The following AGTR1 variants were observed in gnomAD, a reference collection of about 807,000 sequenced individuals.
AGTR1 encodes the protein angiotensin II receptor type 1.
AGTR1 carries 16 observed loss-of-function variants against 19.4 expected under a neutral mutation model. The observed-to-expected ratio is 0.82, with a 90% CI of 0.56 to 1.25. AGTR1 has a LOEUF of 1.25. AGTR1 is among the 50% of genes most tolerant of loss of function. The pLI is 0.00. For missense variants in AGTR1, 373 were observed against 431.9 expected, an observed-to-expected ratio of 0.86 and a Z score of 1.21; for synonymous variants, 153 against 154.9, an observed-to-expected ratio of 0.99 and a Z score of 0.09.
chr3:148,729,330 GC>G (rs1714124244), intron 2 of AGTR1, among the ~76,000 whole-genome samples: 1 of 152,154 alleles, frequency 6.6e-6, no homozygotes, highest in African/African-American at 2.4e-5. Flanking sequence ...TCCCTACATA[GC>G]CTTCTATGCA....
chr3:148,735,476 A>G (rs1434654491), intron 2 of AGTR1, among the ~76,000 whole-genome samples: 1 of 152,172 alleles, frequency 6.6e-6, no homozygotes, highest in African/African-American at 2.4e-5. Context: ...GAAGTCCATT[A>G]TCAAGAAACA....
In AGTR1 at chr3:148,741,502, C is replaced by T. The variant is rs1434779519; in HGVS notation, c.467C>T (p.Ala156Val). ...ACCTGCATCATCATTTGGCTGCTGG[C>T]AGGCTTGGCCAGTTTGCCAGCTATA... is the stretch of plus-strand genomic sequence containing the variant. ...KVTCIIIWLL[A>V]GLASLPAIIH... The change falls in exon 3 of 3, where the codon GCA becomes GTA. Residue 156 changes from alanine (A) to valine (V), a missense_variant. Physicochemically the swap from Ala to Val is moderately conservative, Grantham distance 64. Coordinates refer to ENST00000349243, the MANE Select transcript of AGTR1 (RefSeq NM_000685.5). 6.2e-7 allele frequency: 1 copy of T among 1,613,916 alleles called. No homozygotes were observed. Among genetic ancestry groups the T allele is most frequent in the East Asian group, 2.2e-5 (1 of 44,882 alleles).
chr3:148,724,211 A>C (rs573705405), intron 2 of AGTR1, among the ~76,000 whole-genome samples: 1 of 152,270 alleles, frequency 6.6e-6, no homozygotes, highest in African/African-American at 2.4e-5. Flanking sequence ...GCCCCCCTCC[A>C]AGAAAGGGGG....
chr3:148,726,787 T>C (rs760915810), intron 2 of AGTR1, among the ~76,000 whole-genome samples: 2 of 152,188 alleles, frequency 1.3e-5, no homozygotes, highest in Non-Finnish European at 2.9e-5. Context: ...CCGAGTTGCA[T>C]ATCACAACTT....
intron 2 of AGTR1, among the ~76,000 whole-genome samples, chr3:148,730,830 C>A (rs182663070): frequency 2.0e-5 from 3 of 152,200 alleles, no homozygotes; most frequent in Non-Finnish European, 4.4e-5. Context: ...GTTTCAGGGA[C>A]CACACTTTCA....
intron 2 of AGTR1, chr3:148,739,776 A>G (rs1451815746): frequency 7.3e-6 from 9 of 1,231,262 alleles, no homozygotes; most frequent in Non-Finnish European, 9.1e-6. Flanking sequence ...GTGGTGTCTT[A>G]TTTCTGCTCC....
chr3:148,739,078 G>C (rs1380110447), intron 2 of AGTR1, among the ~76,000 whole-genome samples: 1 of 152,190 alleles, frequency 6.6e-6, no homozygotes, highest in African/African-American at 2.4e-5. Flanking sequence ...AAGTTTCAAG[G>C]CCGGGTGCGG....
chr3:148,733,301 A>T (rs186557274), intron 2 of AGTR1, among the ~76,000 whole-genome samples: 1 of 152,220 alleles, frequency 6.6e-6, no homozygotes, highest in African/African-American at 2.4e-5. Context: ...TGTGGCTTGT[A>T]TAATGTTAAA....
rs17237484 is a variant in AGTR1, at chr3:148,735,483, AAC to A, written c.-47-5504_-47-5503del. Among the ~76,000 whole-genome samples, 407 of 152,274 alleles carry A rather than the reference AAC, an allele frequency of 2.7e-3. 2 individuals carry two copies. Among genetic ancestry groups the A allele is most frequent in the African/African-American group, 9.4e-3 (391 of 41,542 alleles). ...CCTAAGCAGAAGTCCATTATCAAGA[AAC>A]AGTGTCCACAAGTGCAATAAATATA... is the stretch of plus-strand genomic sequence containing the variant. On this transcript the variant is annotated intron_variant, in intron 2 of 2. Transcript: ENST00000349243.
At chr3:148,707,686 T>C (rs909712429) in intron 1 of AGTR1, among the ~76,000 whole-genome samples, 4 of 152,110 alleles carry the variant, frequency 2.6e-5, no homozygotes, top group Admixed American at 2.6e-4. Context: ...AAACGTTCTT[T>C]TTCTCTTTGC....
intron 2 of AGTR1, among the ~76,000 whole-genome samples, chr3:148,715,860 AG>A (rs1713279238): frequency 6.6e-6 from 1 of 152,206 alleles, no homozygotes; most frequent in African/African-American, 2.4e-5. Flanking sequence ...GTTATCATTT[AG>A]TGAGAACCTG....
chr3:148,740,061 C>T, intron 2 of AGTR1: 4 of 1,033,842 alleles, frequency 3.9e-6, no homozygotes, highest in Non-Finnish European at 5.0e-6. Flanking sequence ...AAATGAATAG[C>T]TTGACTGTTG....
At position 148,740,988 on chromosome 3, in the gene AGTR1, G is replaced by A; in HGVS notation, c.-47-1G>A. ...TACCATTTTATTTTTATTTTCCCCA[G>A]GTGTATTTGATATAGTGTTTGCAAC... On this transcript the variant is annotated splice_acceptor_variant, in intron 2 of 2. Transcript: ENST00000349243. LOFTEE classifies it low-confidence loss of function (5UTR_SPLICE). The A allele has an allele frequency of 1.2e-6, 2 of 1,609,146 alleles. No individual in the cohort carries two copies. The highest frequency in any genetic ancestry group is 1.7e-6 in the Non-Finnish European group (2 of 1,177,894).
intron 2 of AGTR1, among the ~76,000 whole-genome samples, chr3:148,711,194 G>C (rs1712966016): frequency 6.6e-6 from 1 of 152,022 alleles, no homozygotes; most frequent in Admixed American, 6.6e-5. Context: ...ATCACTATTT[G>C]TCACTAATAC....
At chr3:148,730,116 G>GAC (rs1714166770) in intron 2 of AGTR1, 1 of 397,338 alleles carries the variant, frequency 2.5e-6, no homozygotes, top group East Asian at 3.6e-5. Flanking sequence ...CACCAAACTG[G>GAC]ACACATGCTT....
chr3:148,702,249 T>C (rs1037912086), intron 1 of AGTR1, among the ~76,000 whole-genome samples: 35 of 152,206 alleles, frequency 2.3e-4, no homozygotes, highest in African/African-American at 7.5e-4. Context: ...AGTGCTGGGA[T>C]TACAGACATG....
intron 2 of AGTR1, among the ~76,000 whole-genome samples, chr3:148,728,524 C>T (rs767659627): frequency 1.3e-5 from 2 of 152,204 alleles, no homozygotes; most frequent in African/African-American, 4.8e-5. Context: ...CAAAAATGCT[C>T]CATCTTCCTT....
chr3:148,723,557 T>G (rs1489938171), intron 2 of AGTR1, among the ~76,000 whole-genome samples: 1 of 152,196 alleles, frequency 6.6e-6, no homozygotes, highest in Non-Finnish European at 1.5e-5. Flanking sequence ...TTTGGAGCAC[T>G]TCAGAGCAGC....
chr3:148,714,482 G>C (rs1343204473), intron 2 of AGTR1, among the ~76,000 whole-genome samples: 1 of 151,904 alleles, frequency 6.6e-6, no homozygotes, highest in Non-Finnish European at 1.5e-5. Flanking sequence ...AGTATGCCAG[G>C]GTCTTCAGAA....
Sources: gnomAD v4.1 joint callset for allele counts (sites outside exome capture counted in the v4.1 genomes callset) on GRCh38, gnomAD v4.1.1 for gene constraint, MANE v1.5 for transcripts, NCBI Gene and HGNC (gene_info 2026-07-23, HGNC 2026-07-21) for gene names.